BRD7: variants seen among roughly 807,000 people sequenced by gnomAD.
The protein encoded by BRD7 is bromodomain-containing protein 7.
A neutral mutation model predicts 82.1 loss-of-function variants in BRD7; 15 were observed. That is an observed-to-expected ratio of 0.18 (90% CI 0.12 to 0.28). The LOEUF is 0.28. Ranked by LOEUF, BRD7 falls within the 10% of genes least tolerant of loss-of-function variation. The pLI is 1.00. For synonymous variants in BRD7, 232 were observed against 266.9 expected (o/e 0.87, Z 1.27); for missense variants, 638 against 779.9 (o/e 0.82, Z 2.17).
intron 5 of BRD7, among the ~76,000 whole-genome samples, chr16:50,340,927 T>G (rs1187616704): frequency 6.6e-6 from 1 of 152,060 alleles, no homozygotes; most frequent in Admixed American, 6.6e-5. Context: ...CCCTACAAAT[T>G]TGTTTAAAAA....
Position 50,326,365 on chromosome 16 carries a change from CCAGTCT to C in BRD7, c.1108_1113del (p.Arg370_Leu371del). 6.3e-7 allele frequency: 1 copy of C among 1,594,254 alleles called. No homozygotes were observed. Among genetic ancestry groups the C allele is most frequent in the East Asian group, 2.3e-5 (1 of 44,350 alleles). Reference sequence around the variant, plus strand: ...GACTGAAGTCTTCCAGTTGTCATTCCCAGTCTCACAGGGCAGTAGCCTGGCTCTACA... The same window carrying C: ...GACTGAAGTCTTCCAGTTGTCATTCCCACAGGGCAGTAGCCTGGCTCTACA... On this transcript the variant is annotated inframe_deletion, in exon 10 of 17. Coordinates refer to ENST00000394688, the MANE Select transcript of BRD7 (RefSeq NM_013263.5).
intron 4 of BRD7, among the ~76,000 whole-genome samples, chr16:50,351,301 TG>T (rs1277922969): frequency 1.3e-5 from 2 of 152,212 alleles, no homozygotes; most frequent in Non-Finnish European, 2.9e-5. Context: ...AGTAGAAATC[TG>T]ACTCAGGTCT....
intron 5 of BRD7, chr16:50,349,751 T>A (rs1449839356): frequency 5.1e-6 from 2 of 390,568 alleles, no homozygotes; most frequent in African/African-American, 4.3e-5. Flanking sequence ...AATTTCACTC[T>A]AAGGTTGGAA....
At chr16:50,331,973 T>C (rs2037584533) in intron 8 of BRD7, among the ~76,000 whole-genome samples, 1 of 152,184 alleles carries the variant, frequency 6.6e-6, no homozygotes, top group South Asian at 2.1e-4. Flanking sequence ...TCTCTCACAA[T>C]ATACAAACAT....
intron 5 of BRD7, among the ~76,000 whole-genome samples, chr16:50,346,895 C>T (rs1013344850): frequency 2.0e-5 from 3 of 152,214 alleles, no homozygotes; most frequent in Non-Finnish European, 1.5e-5. Context: ...AGGGAATCCT[C>T]CCTAACTCAT....
chr16:50,320,670 G>A lies in BRD7; in HGVS notation c.1605C>T (p.Asp535=). The A allele has an allele frequency of 5.0e-6, 8 of 1,613,056 alleles. No homozygotes were observed. The highest frequency in any genetic ancestry group is 6.8e-6 in the Non-Finnish European group (8 of 1,179,138). ...CCCTCTGGAGACACTTACCTTCAGA[G>A]TCAAAAACTTCAACTGGAACGCCAA... ...TNFGVPVEVF[D]SEEAEIFQKK... Residue 535 remains aspartate (D), a synonymous_variant, in exon 14 of 17, where the codon GAC becomes GAT. Transcript: ENST00000394688.
At position 50,320,637 on chromosome 16, in the gene BRD7, C is replaced by T. The variant is rs779996220; in HGVS notation, c.1612+26G>A. The T allele has an allele frequency of 2.9e-5, 45 of 1,561,892 alleles. No individual in the cohort carries two copies. In the Admixed American group the frequency reaches 4.7e-4, roughly 16 times the overall value. On this transcript the variant is annotated intron_variant, in intron 14 of 16. Coordinates refer to ENST00000394688, the MANE Select transcript of BRD7 (RefSeq NM_013263.5). The stretch of plus-strand genomic sequence containing the variant: ...TGACTGCCTACATCATGCAGTGTTT[C>T]AATCAAACCCTCTGGAGACACTTAC...
intron 2 of BRD7, among the ~76,000 whole-genome samples, chr16:50,355,547 G>A (rs2038699014): frequency 6.6e-6 from 1 of 152,208 alleles, no homozygotes; most frequent in African/African-American, 2.4e-5. Context: ...CCCAGAAACA[G>A]ACCCATGTAC....
intron 2 of BRD7, among the ~76,000 whole-genome samples, chr16:50,359,522 T>C (rs2038861991): frequency 6.6e-6 from 1 of 152,220 alleles, no homozygotes; most frequent in Non-Finnish European, 1.5e-5. Flanking sequence ...TACACAGCCC[T>C]ACTCTTACGG....
chr16:50,347,632 C>T (rs558711157), intron 5 of BRD7, among the ~76,000 whole-genome samples: 5 of 152,080 alleles, frequency 3.3e-5, no homozygotes, highest in African/African-American at 1.2e-4. Flanking sequence ...AAACAGAGAG[C>T]CAAATCATGA....
intron 8 of BRD7, among the ~76,000 whole-genome samples, chr16:50,330,915 T>C (rs1003902575): frequency 8.5e-5 from 13 of 152,210 alleles, no homozygotes; most frequent in African/African-American, 3.1e-4. Context: ...TAATATGTTA[T>C]TAAAATTACT....
In BRD7 at chr16:50,316,660, G is replaced by A. The variant is rs1056090150; in HGVS notation, c.*2551C>T. 4 of 152,360 alleles carry A rather than the reference G, an allele frequency of 2.6e-5. No individual in the cohort carries two copies. Among genetic ancestry groups the A allele is most frequent in the Admixed American group, 2.6e-4 (4 of 15,288 alleles). The allele number at this position is 152,360 out of a possible 1,614,324, so 9.4% of individuals were successfully genotyped here. A position where few individuals can be genotyped will look rare whatever the true frequency, so the allele number is the denominator to read the frequency against. On this transcript the variant is annotated 3_prime_UTR_variant, in exon 17 of 17. Coordinates refer to ENST00000394688, the MANE Select transcript of BRD7 (RefSeq NM_013263.5). ...AGCCGTTCTTGCTCTGAAACTGCGT[G>A]AGTCAAGGCAAATGCAAAAAGCCAG...
intron 16 of BRD7, 144 bp downstream of exon 16, chr16:50,319,743 T>C: frequency 1.0e-6 from 1 of 1,001,936 alleles, no homozygotes; most frequent in Non-Finnish European, 1.5e-6. Context: ...CCTTTTATGT[T>C]AGGGACTTGA....
intron 6 of BRD7, 47 bp downstream of exon 6, chr16:50,339,929 G>T: frequency 1.7e-6 from 2 of 1,182,608 alleles, no homozygotes; most frequent in South Asian, 1.4e-5. Context: ...AACAAACAGC[G>T]ACACAGATTT....
chr16:50,355,133 G>A (rs1317371618), intron 2 of BRD7, among the ~76,000 whole-genome samples: 1 of 152,010 alleles, frequency 6.6e-6, no homozygotes, highest in Non-Finnish European at 1.5e-5. Flanking sequence ...GAAATAACCA[G>A]TTAGAAAAAC....
At chr16:50,359,321 T>C (rs891207952) in intron 2 of BRD7, among the ~76,000 whole-genome samples, 2 of 152,214 alleles carry the variant, frequency 1.3e-5, no homozygotes, top group African/African-American at 4.8e-5. Flanking sequence ...ATAAACTATA[T>C]AATTTTTTGG....
chr16:50,360,985 T>G (rs1177058765), intron 2 of BRD7, among the ~76,000 whole-genome samples: 1 of 152,208 alleles, frequency 6.6e-6, no homozygotes, highest in Non-Finnish European at 1.5e-5. Context: ...GTCAATGAAC[T>G]GTGTTTTGCC....
At chr16:50,336,382 C>A (rs1467465076) in intron 6 of BRD7, among the ~76,000 whole-genome samples, 1 of 152,080 alleles carries the variant, frequency 6.6e-6, no homozygotes, top group African/African-American at 2.4e-5. Flanking sequence ...AAAAGGTATA[C>A]CAATTTACAT....
chr16:50,353,263 C>T (rs142025482), intron 4 of BRD7, among the ~76,000 whole-genome samples: 1 of 151,798 alleles, frequency 6.6e-6, no homozygotes, highest in Non-Finnish European at 1.5e-5. Context: ...TGGGGTCTCA[C>T]TATGTTGCCC....
Sources: gnomAD v4.1 joint callset for allele counts (sites outside exome capture counted in the v4.1 genomes callset) on GRCh38, gnomAD v4.1.1 for gene constraint, MANE v1.5 for transcripts, NCBI Gene and HGNC (gene_info 2026-07-23, HGNC 2026-07-21) for gene names.